Variants in SNAPC4 observed in about 807,000 individuals in gnomAD.
The protein encoded by SNAPC4 is snRNA-activating protein complex subunit 4.
SNAPC4 carries 127 observed loss-of-function variants against 151.3 expected under a neutral mutation model. The observed-to-expected ratio is 0.84, with a 90% CI of 0.73 to 0.97. The LOEUF (loss-of-function observed/expected upper bound fraction) is 0.97. Ranked by LOEUF, SNAPC4 falls within the 50% of genes least tolerant of loss-of-function variation. The probability of loss-of-function intolerance (pLI) is 0.00; values close to 1 mark genes in which losing one functional copy is unlikely to be tolerated. For missense variants in SNAPC4, 2,186 were observed against 1,935.0 expected, an observed-to-expected ratio of 1.13 and a Z score of -2.43; for synonymous variants, 1,002 against 824.4, an observed-to-expected ratio of 1.22 and a Z score of -3.69.
intron 21 of SNAPC4, 49 bp downstream of exon 21, chr9:136,379,788 C>T: frequency 6.3e-7 from 1 of 1,594,610 alleles, no homozygotes; most frequent in Non-Finnish European, 8.6e-7. Context: ...TCTTCCCCGC[C>T]AGGGCCAGGT....
At chr9:136,393,694 G>A (rs977258997) in intron 7 of SNAPC4, among the ~76,000 whole-genome samples, 7 of 151,924 alleles carry the variant, frequency 4.6e-5, no homozygotes, top group Non-Finnish European at 8.8e-5. Context: ...CCGACCCCGC[G>A]CCCCGAGCCA....
At chr9:136,394,916 C>T (rs1400414489) in intron 5 of SNAPC4, 38 bp from the exon 6 acceptor site, 2 of 1,576,908 alleles carry the variant, frequency 1.3e-6, no homozygotes, top group South Asian at 1.1e-5. Flanking sequence ...GCACAGGCCA[C>T]ATGTGCTCCC....
intron 9 of SNAPC4, 120 bp downstream of exon 9, chr9:136,392,402 G>A: frequency 9.8e-7 from 1 of 1,024,228 alleles, no homozygotes; most frequent in Non-Finnish European, 1.5e-6. Flanking sequence ...GGTGGGTGGG[G>A]GGTCACAGCA....
chr9:136,377,448 C>G, intron 22 of SNAPC4, 95 bp downstream of exon 22: 1 of 1,420,984 alleles, frequency 7.0e-7, no homozygotes, highest in Non-Finnish European at 9.2e-7. Flanking sequence ...CTGCCCGCAA[C>G]TTCCACCAGC....
In SNAPC4 at chr9:136,387,805, G is replaced by A. The variant is rs781188694; in HGVS notation, c.1167C>T (p.Tyr389=). The stretch of plus-strand genomic sequence containing the variant: ...CAGGATCCAAGCTCTTGGTCCATCG[G>A]TAGATCAGCTGCATGGAGTCTCTCC... The part of the protein sequence containing the change: ...MEGRDSMQLI[Y]RWTKSLDPGL... The change falls in exon 12 of 24, where the codon TAC becomes TAT. Residue 389 remains tyrosine, a synonymous_variant. Coordinates refer to ENST00000684778, the MANE Select transcript of SNAPC4 (RefSeq NM_003086.4). 1.1e-5 allele frequency: 17 copies of A among 1,612,566 alleles called. No homozygotes were observed. The highest frequency in any genetic ancestry group is 3.3e-5 in the Admixed American group (2 of 60,008).
At chr9:136,399,307 C>T (rs1181742699) in intron 1 of SNAPC4, among the ~76,000 whole-genome samples, 1 of 152,190 alleles carries the variant, frequency 6.6e-6, no homozygotes, top group Non-Finnish European at 1.5e-5. Context: ...CACCGTTAGC[C>T]GCATCAGCAG....
chr9:136,382,018 C>A lies in SNAPC4; in HGVS notation c.2123G>T (p.Gly708Val). 6.2e-7 allele frequency: 1 copy of A among 1,607,526 alleles called. No individual in the cohort carries two copies. Among genetic ancestry groups the A allele is most frequent in the Non-Finnish European group, 8.5e-7 (1 of 1,178,042 alleles). Residue 708 changes from glycine to valine, a missense_variant, in exon 18 of 24, where the codon GGT becomes GTT. By Grantham distance (109) the Gly-to-Val change is moderately radical (BLOSUM62 -3). Transcript: ENST00000684778. ...LPTSSPGVSS[G>V]DSVARSHVQW... ...CACATGGGATCGGGCCACGCTGTCA[C>A]CAGAGCTGACCCCTGGGGATGAGGT...
chr9:136,394,085 T>A (rs140982505), intron 7 of SNAPC4, among the ~76,000 whole-genome samples, 164 bp downstream of exon 7: 1 of 152,188 alleles, frequency 6.6e-6, no homozygotes. Flanking sequence ...ACCCAGCTAA[T>A]TTTTTTACTT....
chr9:136,385,554 T>TC (rs76211386), intron 13 of SNAPC4, among the ~76,000 whole-genome samples: 8 of 144,738 alleles, frequency 5.5e-5, no homozygotes, highest in Admixed American at 2.1e-4. Context: ...AGAATCCCAC[T>TC]CCCCCCCCTT....
Position 136,383,491 on chromosome 9 carries a change from G to A in SNAPC4, c.1678C>T (p.Leu560=). 3 of 1,570,250 alleles carry A rather than the reference G, an allele frequency of 1.9e-6. No individual in the cohort carries two copies. Among genetic ancestry groups the A allele is most frequent in the Non-Finnish European group, 1.7e-6 (2 of 1,158,100 alleles). ...AQAGEGDRAL[L]SPQYMVPDMD... ...TCCGGGACCATGTACTGTGGGGACA[G>A]CAGCGCTCTGTCACCCTCCCCGGCC... is the stretch of plus-strand genomic sequence containing the variant. Residue 560 remains leucine, a synonymous_variant, in exon 16 of 24, where the codon CTG becomes TTG. Transcript: ENST00000684778. This position sits in a 1 kb window ranked among gnomAD's most constrained non-coding sequence, Gnocchi z 4.2.
chr9:136,378,456 C>T lies in SNAPC4; in HGVS notation c.3371G>A (p.Gly1124Asp), dbSNP rs1833553199. Residue 1124 changes from glycine (G) to aspartate (D), a missense_variant, in exon 22 of 24, where the codon GGC becomes GAC. By Grantham distance (94) the Gly-to-Asp change is moderately conservative. Transcript: ENST00000684778. ...PPLTETRAAQGPRAPALSSSW... is the reference protein window; with the variant it reads ...PPLTETRAAQDPRAPALSSSW... ...GCTGCTCAACGCTGGGGCCCTGGGG[C>T]CCTGGGCCGCCCGAGTCTCAGTCAG... is the stretch of plus-strand genomic sequence containing the variant. 4 of 1,588,196 alleles carry T rather than the reference C, an allele frequency of 2.5e-6. No homozygotes were observed. Among genetic ancestry groups the T allele is most frequent in the East Asian group, 4.5e-5 (2 of 44,590 alleles).
At position 136,392,401 on chromosome 9, in the gene SNAPC4, G is replaced by A. The variant is rs369948968; in HGVS notation, c.810+121C>T. 1.5e-4 allele frequency: 151 copies of A among 1,018,114 alleles called. No individual in the cohort carries two copies. In the African/African-American group the frequency reaches 1.9e-3, roughly 13 times the overall value. The allele number at this position is 1,018,114 out of a possible 1,614,324, so 63.1% of individuals were successfully genotyped here. On this transcript the variant is annotated intron_variant, in intron 9 of 23. Coordinates refer to ENST00000684778, the MANE Select transcript of SNAPC4 (RefSeq NM_003086.4). Reference sequence around the variant, plus strand: ...ACATGTGCTTGACCCGGGTGGGTGGGGGGTCACAGCAGAACCTGTTGCCAG... The same window carrying A: ...ACATGTGCTTGACCCGGGTGGGTGGAGGGTCACAGCAGAACCTGTTGCCAG...
chr9:136,377,935 C>A lies in SNAPC4; in HGVS notation c.3892G>T (p.Gly1298Cys). ...GQRGVRVPLLGSRLPYQPPAL... is the reference protein window; with the variant it reads ...GQRGVRVPLLCSRLPYQPPAL... The stretch of plus-strand genomic sequence containing the variant: ...GGGGGCTGATAGGGCAGTCTGCTGC[C>A]CAGAAGAGGCACACGCACCCCCCGC... Residue 1298 changes from glycine to cysteine, a missense_variant, in exon 22 of 24, where the codon GGC (glycine) becomes TGC (cysteine). Physicochemically the swap from Gly to Cys is radical, Grantham distance 159 (BLOSUM62 -3). Transcript: ENST00000684778. 1 of 1,607,502 alleles carries A rather than the reference C, an allele frequency of 6.2e-7. No homozygotes were observed. Among genetic ancestry groups the A allele is most frequent in the Non-Finnish European group, 8.5e-7 (1 of 1,177,460 alleles).
intron 1 of SNAPC4, among the ~76,000 whole-genome samples, chr9:136,399,661 C>G (rs1400636844): frequency 6.6e-6 from 1 of 152,190 alleles, no homozygotes; most frequent in Non-Finnish European, 1.5e-5. Context: ...GTCCCTCCAG[C>G]CCCAGCTGCG....
At position 136,377,906 on chromosome 9, in the gene SNAPC4, G is replaced by T. The variant is rs763193425; in HGVS notation, c.3921C>A (p.Ala1307=). ...CGGACAGAGCTCGCAGGCTGCACAG[G>T]GCTGGGGGCTGATAGGGCAGTCTGC... ...LGSRLPYQPP[A]LCSLRALSGL... The change falls in exon 22 of 24, where the codon GCC becomes GCA. Residue 1307 remains alanine, a synonymous_variant. Transcript: ENST00000684778. 2.5e-6 allele frequency: 4 copies of T among 1,610,846 alleles called. No individual in the cohort carries two copies. Among genetic ancestry groups the T allele is most frequent in the Non-Finnish European group, 3.4e-6 (4 of 1,179,596 alleles).
At chr9:136,390,984 G>A (rs917689223) in intron 10 of SNAPC4, among the ~76,000 whole-genome samples, 5 of 151,990 alleles carry the variant, frequency 3.3e-5, no homozygotes, top group Non-Finnish European at 5.9e-5. Flanking sequence ...ACAGATGCCC[G>A]CCACCACGCC....
Position 136,383,426 on chromosome 9 carries a change from C to T in SNAPC4, c.1743G>A (p.Gln581=), listed in dbSNP as rs545577055. ...AGGCCCCTGCCCCTCCTCTCCATGG[C>T]TGGCTGGTGCTCTGCCTGGCAGGAA... ...LWVPARQSTS[Q]PWRGGAGAWL... Residue 581 remains glutamine (Q), a synonymous_variant, in exon 16 of 24, where the codon CAG becomes CAA. Transcript: ENST00000684778. This position sits in a 1 kb window ranked among gnomAD's most constrained non-coding sequence, Gnocchi z 4.2. The T allele has an allele frequency of 1.3e-6, 2 of 1,564,838 alleles. No homozygotes were observed. The highest frequency in any genetic ancestry group is 2.7e-5 in the African/African-American group (2 of 73,798).
intron 19 of SNAPC4, 39 bp from the exon 20 acceptor site, chr9:136,380,889 C>G: frequency 7.9e-7 from 1 of 1,259,624 alleles, no homozygotes; most frequent in South Asian, 1.2e-5. Flanking sequence ...TAGCTGCTTT[C>G]GGGAGCAGCT....
Position 136,378,886 on chromosome 9 carries a change from G to A in SNAPC4, c.2941C>T (p.Leu981Phe). 6.2e-7 allele frequency: 1 copy of A among 1,611,406 alleles called. No individual in the cohort carries two copies. The highest frequency in any genetic ancestry group is 1.1e-5 in the South Asian group (1 of 90,620). The change falls in exon 22 of 24, where the codon CTC becomes TTC. Residue 981 changes from leucine to phenylalanine, a missense_variant. Transcript: ENST00000684778. ...AGGGGCAGGGCTTGCATGGTGGAGA[G>A]TCTCTTGTCCTTGGCTGAAGTCCCA... ...EAGTSAKDKR[L>F]STMQALPLAP...
Sources: gnomAD v4.1 joint callset for allele counts (sites outside exome capture counted in the v4.1 genomes callset) on GRCh38, gnomAD v4.1.1 for gene constraint, Gnocchi (gnomAD v3.1) non-coding constraint, MANE v1.5 for transcripts, NCBI Gene and HGNC (gene_info 2026-07-23, HGNC 2026-07-21) for gene names.